EMILIN3: variants seen among roughly 807,000 people sequenced by gnomAD.
The protein encoded by EMILIN3 is elastin microfibril interfacer 3.
In EMILIN3, 38 loss-of-function variants were observed where a neutral mutation model predicts 42.8. The observed-to-expected ratio is 0.89, with a 90% CI of 0.69 to 1.16. The LOEUF (loss-of-function observed/expected upper bound fraction) is 1.16, where lower values mean the gene tolerates loss of function less well. Ranked by LOEUF, EMILIN3 falls within the 50% of genes most tolerant of loss-of-function variation. The pLI is 0.00. For synonymous variants in EMILIN3, 430 were observed against 440.5 expected (o/e 0.98, Z 0.30); for missense variants, 924 against 999.5 (o/e 0.92, Z 1.02).
intron 1 of EMILIN3, 42 bp from the exon 2 acceptor site, chr20:41,365,199 A>G (rs2046387795): frequency 6.2e-7 from 1 of 1,606,312 alleles, no homozygotes; most frequent in East Asian, 2.2e-5. Flanking sequence ...TGGCTGAGCG[A>G]GGCCCACAGA....
chr20:41,364,982 G>C, intron 2 of EMILIN3, 53 bp downstream of exon 2: 1 of 1,608,806 alleles, frequency 6.2e-7, no homozygotes, highest in African/African-American at 1.3e-5. Context: ...CTGAAGGCAG[G>C]ACTGGCGCTT....
At chr20:41,365,504 G>T (rs2046389402) in intron 1 of EMILIN3, among the ~76,000 whole-genome samples, 1 of 152,130 alleles carries the variant, frequency 6.6e-6, no homozygotes, top group Admixed American at 6.5e-5. Flanking sequence ...CCTTATCTTG[G>T]CATTTAAGGC....
chr20:41,362,750 ATGCACCTTGTCTAGAAGC>A lies in EMILIN3; in HGVS notation c.801_818del (p.Gln267_Val272del). The A allele has an allele frequency of 6.2e-7, 1 of 1,614,150 alleles. No homozygotes were observed. On this transcript the variant is annotated inframe_deletion, in exon 4 of 4. Coordinates refer to ENST00000332312, the MANE Select transcript of EMILIN3 (RefSeq NM_052846.2). ...GGGCCTCATGGCCAAGTGCCAGCCC[ATGCACCTTGTCTAGAAGC>A]TGCACCTTGGTCTGAAGAGTGTTGC...
intron 1 of EMILIN3, among the ~76,000 whole-genome samples, chr20:41,365,538 C>T (rs377199480): frequency 6.6e-6 from 1 of 152,172 alleles, no homozygotes; most frequent in Non-Finnish European, 1.5e-5. Flanking sequence ...CTCAGTGACT[C>T]CTTTGAGAGC....
chr20:41,365,131 C>T lies in EMILIN3; in HGVS notation c.194G>A (p.Arg65Lys). 1 of 1,614,016 alleles carries T rather than the reference C, an allele frequency of 6.2e-7. No homozygotes were observed. The highest frequency in any genetic ancestry group is 8.5e-7 in the Non-Finnish European group (1 of 1,179,934). ...HKALCAYVVH[R>K]NVTCILQEGA... ...CTCCTGTAGGATGCAGGTCACATTC[C>T]TGTGCACCACATAGGCACAGAGGGC... Residue 65 changes from arginine (R) to lysine (K), a missense_variant, in exon 2 of 4, where the codon AGG becomes AAG. Transcript: ENST00000332312.
Position 41,361,687 on chromosome 20 carries a change from C to T in EMILIN3, c.1882G>A (p.Ala628Thr). The change falls in exon 4 of 4, where the codon GCC becomes ACC. Residue 628 changes from alanine to threonine, a missense_variant. Transcript: ENST00000332312. ...TGCTCCTGGATGGCCTGGACTTCGG[C>T]TTCCACCTTGCGTTCCCGCTCATCC... Reference protein sequence around the residue: ...SLDERERKVEAEVQAIQEQVS... With the variant: ...SLDERERKVETEVQAIQEQVS... The T allele has an allele frequency of 5.6e-6, 9 of 1,608,258 alleles. No individual in the cohort carries two copies. Among genetic ancestry groups the T allele is most frequent in the Non-Finnish European group, 7.6e-6 (9 of 1,176,554 alleles).
At position 41,362,001 on chromosome 20, in the gene EMILIN3, G is replaced by A. The variant is rs781195826; in HGVS notation, c.1568C>T (p.Pro523Leu). 134 of 1,611,480 alleles carry A rather than the reference G, an allele frequency of 8.3e-5. No homozygotes were observed. Among genetic ancestry groups the A allele is most frequent in the Non-Finnish European group, 1.1e-4 (132 of 1,178,158 alleles). ...RLVSLETSCT[P>L]STTSAILDSL... The stretch of plus-strand genomic sequence containing the variant: ...GTCCAGGATGGCTGAGGTGGTGCTC[G>A]GGGTGCACGAAGTCTCCAGTGAGAC... Residue 523 changes from proline to leucine, a missense_variant, in exon 4 of 4, where the codon CCG becomes CTG. Physicochemically the swap from Pro to Leu is moderately conservative, Grantham distance 98. Transcript: ENST00000332312.
rs764886796 is a variant in EMILIN3, at chr20:41,361,705, G to A, written c.1864C>T (p.Arg622Trp). The A allele has an allele frequency of 5.0e-6, 8 of 1,610,888 alleles. No individual in the cohort carries two copies. The highest frequency in any genetic ancestry group is 3.3e-5 in the Admixed American group (2 of 59,974). The change falls in exon 4 of 4, where the codon CGG becomes TGG. Residue 622 changes from arginine to tryptophan, a missense_variant. Physicochemically the swap from Arg to Trp is moderately radical, Grantham distance 101 (BLOSUM62 -3). Transcript: ENST00000332312. Reference sequence around the variant, plus strand: ...ACTTCGGCTTCCACCTTGCGTTCCCGCTCATCCAGGGACGTGTTGGCAGCC... The same window carrying A: ...ACTTCGGCTTCCACCTTGCGTTCCCACTCATCCAGGGACGTGTTGGCAGCC... Reference protein sequence around the residue: ...FLAANTSLDERERKVEAEVQA... With the variant: ...FLAANTSLDEWERKVEAEVQA...
rs1361856820 is a variant in EMILIN3, at chr20:41,366,176, C to T, written c.167+292G>A. Among the ~76,000 whole-genome samples, 2 of 152,348 alleles carry T rather than the reference C, an allele frequency of 1.3e-5. No homozygotes were observed. Among genetic ancestry groups the T allele is most frequent in the Non-Finnish European group, 2.9e-5 (2 of 68,028 alleles). On this transcript the variant is annotated intron_variant, in intron 1 of 3. Coordinates refer to ENST00000332312, the MANE Select transcript of EMILIN3 (RefSeq NM_052846.2). This position sits in a 1 kb window ranked among gnomAD's most constrained non-coding sequence, Gnocchi z 4.2. The stretch of plus-strand genomic sequence containing the variant: ...CTGGTCCGCTCGCCCGGAGTCTGCA[C>T]ACAGCGCAGCTGGAAAATGTTACTT...
chr20:41,361,622 C>A lies in EMILIN3; in HGVS notation c.1947G>T (p.Arg649Ser). ...GCTCCCCACGCAGGTTCAGGACCTG[C>A]CTGTGGCCAGCCTGAAGCCTGGAGC... ...SQGSRLQAGH[R>S]QVLNLRGELE... Residue 649 changes from arginine (R) to serine (S), a missense_variant, in exon 4 of 4, where the codon AGG becomes AGT. Physicochemically the swap from Arg to Ser is moderately radical, Grantham distance 110. Transcript: ENST00000332312. 6.2e-7 allele frequency: 1 copy of A among 1,609,360 alleles called. No individual in the cohort carries two copies. Among genetic ancestry groups the A allele is most frequent in the Non-Finnish European group, 8.5e-7 (1 of 1,178,804 alleles).
rs760287222 is a variant in EMILIN3 at position 41,361,728 on chromosome 20, GC to G, written c.1840del (p.Ala614LeufsTer39). The G allele has an allele frequency of 6.8e-6, 11 of 1,613,122 alleles. No individual in the cohort carries two copies. In the African/African-American group the frequency reaches 1.5e-4, roughly 22 times the overall value. On this transcript the variant is annotated frameshift_variant, in exon 4 of 4. Transcript: ENST00000332312. LOFTEE classifies it high-confidence loss of function. ...SVSQYSDAFLAANTSLDERER... is the reference protein window; with the variant it reads ...SVSQYSDAFLXANTSLDERER... ...CCGCTCATCCAGGGACGTGTTGGCA[GC>G]CAAGAAGGCATCAGAGTACTGGCTG...
chr20:41,361,555 G>C lies in EMILIN3; in HGVS notation c.2014C>G (p.Leu672Val). ...TGGGCTGTGTCCTGGCAGCGGCTCA[G>C]CCCACTGGCCACCTTGGCCACACCA... Reference protein sequence around the residue: ...KAGVAKVASGLSRCQDTAQKL... With the variant: ...KAGVAKVASGVSRCQDTAQKL... The change falls in exon 4 of 4, where the codon CTG (leucine) becomes GTG (valine). Residue 672 changes from leucine to valine, a missense_variant. By Grantham distance (32) the Leu-to-Val change is conservative. Transcript: ENST00000332312. 6.2e-7 allele frequency: 1 copy of C among 1,611,400 alleles called. No homozygotes were observed. Among genetic ancestry groups the C allele is most frequent in the South Asian group, 1.1e-5 (1 of 91,068 alleles).
At chr20:41,365,952 G>A (rs550273099) in intron 1 of EMILIN3, among the ~76,000 whole-genome samples, 1 of 145,054 alleles carries the variant, frequency 6.9e-6, no homozygotes, top group Admixed American at 6.8e-5. Flanking sequence ...GGAGCCAGGA[G>A]CCCGCTCTGG....
Position 41,362,348 on chromosome 20 carries a change from C to T in EMILIN3, c.1221G>A (p.Glu407=), listed in dbSNP as rs1208645543. 3.1e-6 allele frequency: 5 copies of T among 1,609,312 alleles called. No individual in the cohort carries two copies. Reference sequence around the variant, plus strand: ...CCGGGGCACCGGGGCCCCTTTGGGTCTCGGTGACTGCCTGCAGGGCCCTCT... The same window carrying T: ...CCGGGGCACCGGGGCCCCTTTGGGTTTCGGTGACTGCCTGCAGGGCCCTCT... ...GLERALQAVT[E]TQRGPGAPAG... is the part of the protein sequence containing the mutation. Residue 407 remains glutamate, a synonymous_variant, in exon 4 of 4, where the codon GAG becomes GAA. Transcript: ENST00000332312.
Position 41,366,506 on chromosome 20 carries a change from C to T in EMILIN3, c.129G>A (p.Thr43=), listed in dbSNP as rs954678329. 3.4e-6 allele frequency: 4 copies of T among 1,160,358 alleles called. No individual in the cohort carries two copies. Among genetic ancestry groups the T allele is most frequent in the African/African-American group, 3.3e-5 (2 of 60,990 alleles). The allele number at this position is 1,160,358 out of a possible 1,614,324, so 71.9% of individuals were successfully genotyped here. A position where few individuals can be genotyped will look rare whatever the true frequency, so the allele number is the denominator to read the frequency against. The part of the protein sequence containing the change: ...PPGASRYSLY[T]TGWRPRLRPG... ...GGCGCAGCCGCGGGCGCCATCCCGT[C>T]GTGTAGAGACTGTAGCGGGAGGCAC... The change falls in exon 1 of 4, where the codon ACG becomes ACA. Residue 43 remains threonine (T), a synonymous_variant. Transcript: ENST00000332312. This position sits in a 1 kb window ranked among gnomAD's most constrained non-coding sequence, Gnocchi z 4.2.
At position 41,366,656 on chromosome 20, in the gene EMILIN3, C is replaced by T. The variant is rs2046396104; in HGVS notation, c.-22G>A. The T allele has an allele frequency of 3.0e-6, 3 of 1,003,788 alleles. No individual in the cohort carries two copies. Among genetic ancestry groups the T allele is most frequent in the Non-Finnish European group, 2.4e-6 (2 of 843,888 alleles). The allele number at this position is 1,003,788 out of a possible 1,614,324, so 62.2% of individuals were successfully genotyped here. A position where few individuals can be genotyped will look rare whatever the true frequency, so the allele number is the denominator to read the frequency against. ...CCATAGCGGCCCCCGCGCCTCTGCC[C>T]GGCCCCGCGCGGTGCCCCCCGCCGG... On this transcript the variant is annotated 5_prime_UTR_variant, in exon 1 of 4. Coordinates refer to ENST00000332312, the MANE Select transcript of EMILIN3 (RefSeq NM_052846.2). This position sits in a 1 kb window ranked among gnomAD's most constrained non-coding sequence, Gnocchi z 4.2.
At position 41,362,572 on chromosome 20, in the gene EMILIN3, G is replaced by T. The variant is rs373873566; in HGVS notation, c.997C>A (p.Arg333=). The T allele has an allele frequency of 3.8e-5, 61 of 1,600,072 alleles. No homozygotes were observed. Among genetic ancestry groups the T allele is most frequent in the Middle Eastern group, 3.3e-4 (2 of 6,058 alleles). ...LQGVQSECDL[R]VQEVRRQCEE... ...CATTGCCGCCGTACCTCCTGCACCC[G>T]CAGGTCACACTCACTCTGGACGCCT... The change falls in exon 4 of 4, where the codon CGG becomes AGG. Residue 333 remains arginine, a synonymous_variant. Coordinates refer to ENST00000332312, the MANE Select transcript of EMILIN3 (RefSeq NM_052846.2).
chr20:41,365,260 C>G, intron 1 of EMILIN3, 103 bp from the exon 2 acceptor site: 1 of 1,474,770 alleles, frequency 6.8e-7, no homozygotes, highest in South Asian at 1.3e-5. Context: ...ACTCCAAACT[C>G]CCATGTCTCT....
In EMILIN3 at chr20:41,362,523, C is replaced by T. The variant is rs751089257; in HGVS notation, c.1046G>A (p.Arg349Gln). 19 of 1,598,852 alleles carry T rather than the reference C, an allele frequency of 1.2e-5. No homozygotes were observed. Among genetic ancestry groups the T allele is most frequent in the South Asian group, 8.8e-5 (8 of 90,874 alleles). ...RQCEEGQAAS[R>Q]RLHQSLDGRE... ...GCCATCAAGGCTCTGGTGCAGCCTC[C>T]GGCTGGCGGCCTGACCCTCCTCACA... is the stretch of plus-strand genomic sequence containing the variant. Residue 349 changes from arginine (R) to glutamine (Q), a missense_variant, in exon 4 of 4, where the codon CGG (arginine) becomes CAG (glutamine). Physicochemically the swap from Arg to Gln is conservative, Grantham distance 43 (BLOSUM62 1). Transcript: ENST00000332312.
Sources: allele counts gnomAD v4.1 joint callset (sites outside exome capture counted in the v4.1 genomes callset), GRCh38; gene constraint gnomAD v4.1.1; non-coding constraint Gnocchi (gnomAD v3.1); transcripts MANE v1.5; gene names NCBI Gene and HGNC (gene_info 2026-07-23, HGNC 2026-07-21).